The following ARSL variants were observed in gnomAD, a reference collection of about 807,000 sequenced individuals.
The protein encoded by ARSL is arylsulfatase L, also known as arylsulfatase E (chondrodysplasia punctata 1).
ARSL carries 4 observed loss-of-function variants against 31.1 expected under a neutral mutation model. The observed-to-expected ratio is 0.13, with a 90% CI of 0.06 to 0.29. ARSL has a LOEUF of 0.29. Ranked by LOEUF, ARSL falls within the 10% of genes least tolerant of loss-of-function variation. The pLI is 1.00. For synonymous variants in ARSL, 198 were observed against 209.9 expected (o/e 0.94, Z 0.49); for missense variants, 312 against 497.8 (o/e 0.63, Z 3.55).
intron 3 of ARSL, among the ~76,000 whole-genome samples, chrX:2,957,216 G>A (rs1341752708): frequency 1.6e-4 from 15 of 95,344 alleles, no homozygotes; most frequent in South Asian, 1.4e-3. Flanking sequence ...GCGAGACTCC[G>A]TCTCAAAAAA....
rs764889759 is a variant in ARSL at position 2,958,430 on chromosome X, C to T, written c.29G>A (p.Cys10Tyr). ...CATCGCTGGCAGCCAGCTCCTGAAA[C>T]ACAAACTGTCAGAGACTGCGTCATG... MLHLHHSCL[C>Y]FRSWLPAMLA... The change falls in exon 3 of 11, where the codon TGT (cysteine) becomes TAT (tyrosine). Residue 10 changes from cysteine to tyrosine, a missense_variant. Coordinates refer to ENST00000381134, the MANE Select transcript of ARSL (RefSeq NM_000047.3). The T allele has an allele frequency of 2.5e-6, 3 of 1,210,599 alleles. No homozygotes were observed. Among genetic ancestry groups the T allele is most frequent in the African/African-American group, 3.5e-5 (2 of 57,373 alleles).
At chrX:2,954,357 G>T (rs1470966946) in intron 4 of ARSL, among the ~76,000 whole-genome samples, 1 of 111,811 alleles carries the variant, frequency 8.9e-6, no homozygotes, top group Non-Finnish European at 1.9e-5. Flanking sequence ...GTGCAGTGGC[G>T]CCATCTCGGC....
At chrX:2,958,488 T>C in intron 2 of ARSL, 53 bp from the exon 3 acceptor site, 1 of 1,162,991 alleles carries the variant, frequency 8.6e-7, no homozygotes, top group Admixed American at 2.2e-5. Context: ...AACTTGTGTA[T>C]GGGGGAAGTT....
chrX:2,951,668 G>A (rs888265660), intron 5 of ARSL, among the ~76,000 whole-genome samples: 1 of 106,058 alleles, frequency 9.4e-6, no homozygotes, highest in South Asian at 4.4e-4. Context: ...GGGCATGGTG[G>A]TGCAAGCCTG....
chrX:2,934,540 A>G lies in ARSL; in HGVS notation c.*292T>C, dbSNP rs1286042909. The G allele has an allele frequency of 7.1e-6, 2 of 282,089 alleles. No individual in the cohort carries two copies. Among genetic ancestry groups the G allele is most frequent in the Non-Finnish European group, 1.2e-5 (2 of 161,204 alleles). 23.2% of individuals were successfully genotyped at this position (282,089 alleles called of 1,213,427 possible). On this transcript the variant is annotated 3_prime_UTR_variant, in exon 11 of 11. Transcript: ENST00000381134. The stretch of plus-strand genomic sequence containing the variant: ...GCCCAGGCTGGGGTGCAGTGGTACA[A>G]TCATAGCTCAGTACAGCCTCCAACT...
chrX:2,958,194 G>A, intron 3 of ARSL, 80 bp downstream of exon 3: 1 of 1,150,614 alleles, frequency 8.7e-7, no homozygotes, highest in Middle Eastern at 2.4e-4. Flanking sequence ...AAGATCAAGG[G>A]TTATATGCAT....
intron 2 of ARSL, chrX:2,959,546 A>G (rs2089573805): frequency 8.9e-7 from 1 of 1,117,904 alleles, no homozygotes; most frequent in Non-Finnish European, 1.2e-6. Flanking sequence ...AGTAGGGGAA[A>G]CCCTGATTTT....
At chrX:2,935,336 A>C in intron 10 of ARSL, 146 bp from the exon 11 acceptor site, 1 of 522,735 alleles carries the variant, frequency 1.9e-6, no homozygotes, top group East Asian at 3.5e-5. Flanking sequence ...TACATCTTAC[A>C]TGGCATACTC....
intron 5 of ARSL, among the ~76,000 whole-genome samples, chrX:2,951,995 A>G (rs2089470372): frequency 9.0e-6 from 1 of 110,792 alleles, no homozygotes; most frequent in Non-Finnish European, 1.9e-5. Flanking sequence ...TTTGTTATCA[A>G]TAAATGGAAC....
chrX:2,953,247 C>T lies in ARSL; in HGVS notation c.326G>A (p.Gly109Asp). Residue 109 changes from glycine (G) to aspartate (D), a missense_variant, in exon 5 of 11, where the codon GGT becomes GAT. Physicochemically the swap from Gly to Asp is moderately conservative, Grantham distance 94. Transcript: ENST00000381134. ...TCCGGTCCACTGAAGAACACGGTAA[C>T]CAATGCTGGAAACCATCCCTTTGAG... ...PVRSGMVSSI[G>D]YRVLQWTGAS... 8.3e-7 allele frequency: 1 copy of T among 1,210,018 alleles called. No individual in the cohort carries two copies. The highest frequency in any genetic ancestry group is 1.1e-6 in the Non-Finnish European group (1 of 894,357).
chrX:2,949,579 C>T lies in ARSL; in HGVS notation c.579G>A (p.Leu193=). The change falls in exon 6 of 11, where the codon CTG becomes CTA. Residue 193 remains leucine, a synonymous_variant. Transcript: ENST00000381134. ...GGAAGAGGAAGTTGAGTTTTTGTTC[C>T]AGGTTGACACGCTTCTCTGAGAGTT... ...RWELSEKRVN[L]EQKLNFLFQV... 8.3e-7 allele frequency: 1 copy of T among 1,211,249 alleles called. No individual in the cohort carries two copies.
At chrX:2,968,200 G>C (rs1437352090), upstream of ARSL, 3 of 1,152,316 alleles carry the variant, frequency 2.6e-6, no homozygotes, top group East Asian at 9.8e-5. Context: ...CGGGGAGGCT[G>C]CTCCTTGGAA....
At position 2,944,464 on chromosome X, in the gene ARSL, CA is replaced by C. The variant is rs1301560878; in HGVS notation, c.992-1266del. On this transcript the variant is annotated intron_variant, in intron 7 of 10. Coordinates refer to ENST00000381134, the MANE Select transcript of ARSL (RefSeq NM_000047.3). ...GTGAGACTCGGTCTCAAAAAAAAAA[CA>C]AAAAAAACAAAAAAAAAAAAACAAA... Among the ~76,000 whole-genome samples, 15 of 45,426 alleles carry C rather than the reference CA, an allele frequency of 3.3e-4. No homozygotes were observed. The East Asian group carries it at 7.7e-3, about 23-fold the overall frequency. The allele number at this position is 45,426 out of a possible 115,157, so 39.4% of individuals were successfully genotyped here. A position where few individuals can be genotyped will look rare whatever the true frequency, so the allele number is the denominator to read the frequency against.
intron 7 of ARSL, among the ~76,000 whole-genome samples, chrX:2,944,224 G>C (rs1376023543): frequency 9.2e-6 from 1 of 109,200 alleles, no homozygotes; most frequent in Non-Finnish European, 1.9e-5. Flanking sequence ...GGGAGGCTGA[G>C]GCGGGCGGAT....
intron 3 of ARSL, among the ~76,000 whole-genome samples, chrX:2,955,861 C>CA (rs1168272424): frequency 9.0e-6 from 1 of 111,418 alleles, no homozygotes; most frequent in Non-Finnish European, 1.9e-5. Context: ...CCTGTCTCTA[C>CA]AAAAAAATCT....
chrX:2,948,517 T>G (rs974544208), intron 6 of ARSL, among the ~76,000 whole-genome samples: 1 of 111,587 alleles, frequency 9.0e-6, no homozygotes, highest in Non-Finnish European at 1.9e-5. Flanking sequence ...CAATTTCTTT[T>G]TGAGACAAGG....
chrX:2,947,141 G>A lies in ARSL; in HGVS notation c.855-1007C>T, dbSNP rs764222144. Among the ~76,000 whole-genome samples the A allele has an allele frequency of 2.0e-4, 22 of 110,474 alleles. No homozygotes were observed. In the South Asian group the frequency reaches 5.9e-3, roughly 30 times the overall value. ...GGAGGTTGCGGTGAGCTGAGATTGC[G>A]CCACTGCACTTCAGCCTGGACAACC... On this transcript the variant is annotated intron_variant, in intron 6 of 10. Transcript: ENST00000381134.
At chrX:2,952,276 C>T (rs760187430) in intron 5 of ARSL, among the ~76,000 whole-genome samples, 72 of 111,013 alleles carry the variant, frequency 6.5e-4, no homozygotes, top group Non-Finnish European at 1.1e-3. Context: ...TCATGGCCTA[C>T]GAGAACATTG....
rs2089231478 is a variant in ARSL at position 2,938,219 on chromosome X, C to T, written c.1165G>A (p.Val389Met). 1 of 1,212,098 alleles carries T rather than the reference C, an allele frequency of 8.3e-7. No individual in the cohort carries two copies. The highest frequency in any genetic ancestry group is 2.2e-5 in the Admixed American group (1 of 46,098). ...CCGGGCCAGCGGAAGATCCCGGGCACGCGGATCCCACCTTCCCATCCTCCC... is the reference window on the plus strand; with the variant it reads ...CCGGGCCAGCGGAAGATCCCGGGCATGCGGATCCCACCTTCCCATCCTCCC... ...GMGGWEGGIR[V>M]PGIFRWPGVL... Residue 389 changes from valine to methionine, a missense_variant, in exon 9 of 11, where the codon GTG becomes ATG. Val to Met is a conservative substitution (Grantham distance 21). Coordinates refer to ENST00000381134, the MANE Select transcript of ARSL (RefSeq NM_000047.3).
Sources: gnomAD v4.1 joint callset for allele counts (sites outside exome capture counted in the v4.1 genomes callset) on GRCh38, gnomAD v4.1.1 for gene constraint, MANE v1.5 for transcripts, NCBI Gene and HGNC (gene_info 2026-07-23, HGNC 2026-07-21) for gene names.